Variants in COPB1 observed in about 807,000 individuals in gnomAD.
COPB1 encodes coat protein complex I subunit beta 1, also known as coatomer subunit beta.
Under a neutral mutation model 108.7 loss-of-function variants are expected in COPB1, and 21 were observed. The ratio of observed to expected loss-of-function variants is 0.19; its 90% CI spans 0.14 to 0.28. The LOEUF is 0.28. COPB1 is among the 10% of genes least tolerant of loss of function. The pLI is 1.00. For missense variants in COPB1, 919 were observed against 1,141.3 expected (o/e 0.81, Z 2.81); for synonymous variants, 378 against 386.8 (o/e 0.98, Z 0.27).
At chr11:14,475,757 C>A (rs777757623) in intron 13 of COPB1, 28 bp downstream of exon 13, 26 of 1,481,142 alleles carry the variant, frequency 1.8e-5, no homozygotes, top group Non-Finnish European at 2.3e-5. Flanking sequence ...AGTAGTACAG[C>A]TGGCAGGGTA....
At position 14,467,389 on chromosome 11, in the gene COPB1, A is replaced by T. The variant is rs140181863; in HGVS notation, c.2146-963T>A. ...GGCTATCATCAAAAAAAAACAAAAC[A>T]AGTGTTGGCAAGGATATGGAGAAAT... On this transcript the variant is annotated intron_variant, in intron 16 of 21. Transcript: ENST00000439561. 3.1e-4 allele frequency among the ~76,000 whole-genome samples: 47 copies of T among 152,220 alleles called. 1 individual carries two copies. The East Asian group carries it at 8.7e-3, about 28-fold the overall frequency.
chr11:14,493,793 C>A lies in COPB1; in HGVS notation c.340G>T (p.Glu114Ter). 6.3e-7 allele frequency: 1 copy of A among 1,598,252 alleles called. No homozygotes were observed. Among genetic ancestry groups the A allele is most frequent in the South Asian group, 1.1e-5 (1 of 87,328 alleles). ...CGAAGAGTAGATCCTCGAATAAATT[C>A]ATTAGGATGTTGAAGATCCTGATAT... Reference protein sequence around the residue: ...AYRKDLQHPNEFIRGSTLRFL... With the variant: ...AYRKDLQHPN The change falls in exon 4 of 22, where the codon GAA becomes TAA. Residue 114 changes from glutamate to a stop codon, truncating the protein, a stop_gained. Coordinates refer to ENST00000439561, the MANE Select transcript of COPB1 (RefSeq NM_001144061.2). LOFTEE classifies it high-confidence loss of function.
intron 2 of COPB1, among the ~76,000 whole-genome samples, chr11:14,497,930 A>G (rs1013275288): frequency 6.6e-6 from 1 of 152,258 alleles, no homozygotes; most frequent in Admixed American, 6.5e-5. Context: ...GTTACATGAA[A>G]TAAGTCAGGC....
rs1565025369 is a variant in COPB1, at chr11:14,494,450, A to C, written c.92-11T>G. 3 of 1,435,254 alleles carry C rather than the reference A, an allele frequency of 2.1e-6. No homozygotes were observed. In the South Asian group the frequency reaches 3.8e-5, roughly 18 times the overall value. 88.9% of individuals were successfully genotyped at this position (1,435,254 alleles called of 1,614,324 possible). A position where few individuals can be genotyped will look rare whatever the true frequency, so the allele number is the denominator to read the frequency against. On this transcript the variant is annotated splice_polypyrimidine_tract_variant and intron_variant, in intron 2 of 21. Transcript: ENST00000439561. ...TTACATCTCCTTTTTCTGAATCAAA[A>C]ATTTTTTTAAAAAAAAGCACAATTA...
Position 14,473,257 on chromosome 11 carries a change from G to A in COPB1, c.1737+1238C>T, listed in dbSNP as rs368236455. Among the ~76,000 whole-genome samples the A allele has an allele frequency of 1.8e-4, 28 of 152,192 alleles. No individual in the cohort carries two copies. The East Asian group carries it at 4.8e-3, about 26-fold the overall frequency. ...CCAAAGTGCTGGTGTGAGTCACCAC[G>A]CCTGCCAAATGTTTCACTTTCTTAT... On this transcript the variant is annotated intron_variant, in intron 14 of 21. Coordinates refer to ENST00000439561, the MANE Select transcript of COPB1 (RefSeq NM_001144061.2).
At chr11:14,477,830 G>A (rs1850561275) in intron 11 of COPB1, among the ~76,000 whole-genome samples, 1 of 151,214 alleles carries the variant, frequency 6.6e-6, no homozygotes, top group Non-Finnish European at 1.5e-5. Flanking sequence ...ATGAGAGGCG[G>A]CGGTTGCAGT....
intron 2 of COPB1, among the ~76,000 whole-genome samples, chr11:14,498,383 A>T (rs947198532): frequency 1.3e-5 from 2 of 152,252 alleles, no homozygotes; most frequent in African/African-American, 4.8e-5. Context: ...ATGAAAAGGT[A>T]AACTTTTCTG....
At chr11:14,473,007 TTC>T (rs1269217605) in intron 14 of COPB1, among the ~76,000 whole-genome samples, 5 of 152,138 alleles carry the variant, frequency 3.3e-5, no homozygotes, top group Admixed American at 6.6e-5. Flanking sequence ...CGGAGTCTTG[TTC>T]TGTCTCCCAG....
intron 4 of COPB1, among the ~76,000 whole-genome samples, chr11:14,492,737 A>G (rs1413850544): frequency 1.3e-5 from 2 of 152,250 alleles, no homozygotes; most frequent in Non-Finnish European, 2.9e-5. Context: ...CAAATCTACT[A>G]AAGTACAAAG....
rs369358761 is a variant in COPB1, at chr11:14,466,374, T to C, written c.2198A>G (p.His733Arg). ...SDPVYAEAYVHVNQYDIVLDV... is the reference protein window; with the variant it reads ...SDPVYAEAYVRVNQYDIVLDV... ...CAGGACAATATCATATTGGTTGACA[T>C]GAACGTAAGCTTCTGCATATACAGG... The change falls in exon 17 of 22, where the codon CAT becomes CGT. Residue 733 changes from histidine (H) to arginine (R), a missense_variant. Around this residue, in one of 5 missense-constraint regions of COPB1, gnomAD observed 705 missense variants for 817.8 expected, o/e 0.86. Coordinates refer to ENST00000439561, the MANE Select transcript of COPB1 (RefSeq NM_001144061.2). The C allele has an allele frequency of 7.4e-6, 12 of 1,613,328 alleles. No individual in the cohort carries two copies. Among genetic ancestry groups the C allele is most frequent in the African/African-American group, 1.3e-5 (1 of 74,896 alleles).
At chr11:14,463,012 A>G (rs1386721175) in intron 18 of COPB1, among the ~76,000 whole-genome samples, 1 of 152,188 alleles carries the variant, frequency 6.6e-6, no homozygotes, top group Non-Finnish European at 1.5e-5. Flanking sequence ...AACACCCAAG[A>G]TGTCCCACAA....
Position 14,474,529 on chromosome 11 carries a change from T to G in COPB1, c.1703A>C (p.Tyr568Ser). 6.2e-7 allele frequency: 1 copy of G among 1,613,934 alleles called. No homozygotes were observed. Among genetic ancestry groups the G allele is most frequent in the South Asian group, 1.1e-5 (1 of 91,074 alleles). Residue 568 changes from tyrosine to serine, a missense_variant, in exon 14 of 22, where the codon TAT becomes TCT. Physicochemically the swap from Tyr to Ser is moderately radical, Grantham distance 144. Transcript: ENST00000439561. ...ATTLTKIALRYVALVQEKKKQ... is the reference protein window; with the variant it reads ...ATTLTKIALRSVALVQEKKKQ... ...TTTCTTCTCCTGAACCAAAGCTACATAGCGCAATGCAATCTTGGTCAGAGT... is the reference window on the plus strand; with the variant it reads ...TTTCTTCTCCTGAACCAAAGCTACAGAGCGCAATGCAATCTTGGTCAGAGT...
chr11:14,477,389 C>CAAAAAAAAAAAAAAAAAAAAAAAAAAAAA (rs61014253), intron 11 of COPB1, among the ~76,000 whole-genome samples: 1 of 73,286 alleles, frequency 1.4e-5, no homozygotes. Context: ...GACTCCGTCT[C>CAAAAAAAAAAAAAAAAAAAAAAAAAAAAA]AAAAAAAAAA....
At chr11:14,489,658 G>A (rs150718787) in intron 5 of COPB1, among the ~76,000 whole-genome samples, 21 of 152,188 alleles carry the variant, frequency 1.4e-4, no homozygotes, top group African/African-American at 4.6e-4. Context: ...CCACTTATCC[G>A]GAATACTTAG....
chr11:14,475,696 G>C, intron 13 of COPB1, 89 bp downstream of exon 13: 2 of 1,307,494 alleles, frequency 1.5e-6, no homozygotes, highest in Non-Finnish European at 2.0e-6. Flanking sequence ...GGTTGCAAAA[G>C]CAAGAGGAAA....
chr11:14,480,506 C>T (rs1850637737), intron 10 of COPB1, among the ~76,000 whole-genome samples: 1 of 152,074 alleles, frequency 6.6e-6, no homozygotes, highest in Non-Finnish European at 1.5e-5. Flanking sequence ...CTTTAGGTAA[C>T]TGTATCATCA....
At chr11:14,471,253 A>C (rs1478984510) in intron 14 of COPB1, among the ~76,000 whole-genome samples, 3 of 152,152 alleles carry the variant, frequency 2.0e-5, no homozygotes, top group African/African-American at 7.2e-5. Flanking sequence ...AAATGGCATA[A>C]ATGAAGGAGT....
At chr11:14,490,952 G>A (rs1850885754) in intron 4 of COPB1, among the ~76,000 whole-genome samples, 1 of 152,098 alleles carries the variant, frequency 6.6e-6, no homozygotes, top group Non-Finnish European at 1.5e-5. Flanking sequence ...ACTATGCCCA[G>A]CTAATTTTTT....
intron 2 of COPB1, among the ~76,000 whole-genome samples, chr11:14,498,240 T>C (rs1287971762): frequency 6.6e-6 from 1 of 152,246 alleles, no homozygotes; most frequent in African/African-American, 2.4e-5. Flanking sequence ...GTGATAATTA[T>C]GTATTGCATG....
Sources: allele counts gnomAD v4.1 joint callset (sites outside exome capture counted in the v4.1 genomes callset), GRCh38; gene constraint gnomAD v4.1.1; regional missense constraint gnomAD v4.1.1; transcripts MANE v1.5; gene names NCBI Gene and HGNC (gene_info 2026-07-23, HGNC 2026-07-21).